Variants in PLOD2 observed in about 807,000 individuals in gnomAD.
PLOD2 encodes lysine hydroxylase 2.
PLOD2 carries 65 observed loss-of-function variants against 101.0 expected under a neutral mutation model. That is an observed-to-expected ratio of 0.64 (90% confidence interval 0.53 to 0.79). The LOEUF (loss-of-function observed/expected upper bound fraction) is 0.79, where lower values mean the gene tolerates loss of function less well. PLOD2 is among the 30% of genes least tolerant of loss of function. PLOD2 has a pLI of 0.00. For synonymous variants in PLOD2, 314 were observed against 302.9 expected, an observed-to-expected ratio of 1.04 and a Z score of -0.38; for missense variants, 909 against 914.6, an observed-to-expected ratio of 0.99 and a Z score of 0.08.
chr3:146,158,466 C>A (rs1440791588), intron 1 of PLOD2, among the ~76,000 whole-genome samples: 1 of 152,090 alleles, frequency 6.6e-6, no homozygotes, highest in Non-Finnish European at 1.5e-5. Flanking sequence ...AACTACACTC[C>A]AAAAATTGAT....
At chr3:146,156,336 G>T in intron 1 of PLOD2, among the ~76,000 whole-genome samples, 1 of 152,214 alleles carries the variant, frequency 6.6e-6, no homozygotes, top group East Asian at 1.9e-4. Flanking sequence ...TACAGGACCA[G>T]CTAGTCAATA....
intron 1 of PLOD2, among the ~76,000 whole-genome samples, chr3:146,157,872 A>G: frequency 6.6e-6 from 1 of 152,024 alleles, no homozygotes; most frequent in East Asian, 1.9e-4. Flanking sequence ...TTTCCTCTCC[A>G]CCCCATAAAT....
chr3:146,107,212 TGCCTGCTAAAC>T (rs1344395290), intron 4 of PLOD2, among the ~76,000 whole-genome samples: 3 of 152,252 alleles, frequency 2.0e-5, no homozygotes, highest in African/African-American at 7.2e-5. Context: ...GTCATTATTG[TGCCTGCTAAAC>T]CATTTTCTGG....
At chr3:146,158,831 C>A (rs2032426754) in intron 1 of PLOD2, among the ~76,000 whole-genome samples, 1 of 152,162 alleles carries the variant, frequency 6.6e-6, no homozygotes, top group South Asian at 2.1e-4. Context: ...TAAACCATTT[C>A]TTCTTGGTTA....
At position 146,088,700 on chromosome 3, in the gene PLOD2, G is replaced by A. The variant is rs762385231; in HGVS notation, c.891C>T (p.Asn297=). ...VDLSAVDVHP[N]VSIGVFIEQP... Reference sequence around the variant, plus strand: ...GCTCAATAAAAACACCTATTGATACGTTTGGATGGACCTTTGTTTTACACC... The same window carrying A: ...GCTCAATAAAAACACCTATTGATACATTTGGATGGACCTTTGTTTTACACC... The change falls in exon 9 of 20, where the codon AAC becomes AAT. Residue 297 remains asparagine (N), a synonymous_variant. Transcript: ENST00000282903. 1.3e-5 allele frequency: 21 copies of A among 1,606,096 alleles called. No individual in the cohort carries two copies. Among genetic ancestry groups the A allele is most frequent in the Non-Finnish European group, 1.4e-5 (16 of 1,173,534 alleles).
intron 1 of PLOD2, among the ~76,000 whole-genome samples, chr3:146,131,386 A>G (rs2030900124): frequency 6.6e-6 from 1 of 152,194 alleles, no homozygotes; most frequent in South Asian, 2.1e-4. Flanking sequence ...CCGACATATT[A>G]TCCTAGCTAC....
In PLOD2 at chr3:146,104,262, G is replaced by C; in HGVS notation, c.679+17C>G. The C allele has an allele frequency of 6.6e-7, 1 of 1,505,842 alleles. No homozygotes were observed. The highest frequency in any genetic ancestry group is 9.2e-7 in the Non-Finnish European group (1 of 1,081,182). 93.3% of individuals were successfully genotyped at this position (1,505,842 alleles called of 1,614,324 possible). A position where few individuals can be genotyped will look rare whatever the true frequency, so the allele number is the denominator to read the frequency against. ...TTTGTTTGTATACGTAAGCAATCCG[G>C]TATTTAGGAAGCATACCTACAGCTC... On this transcript the variant is annotated intron_variant, in intron 6 of 19. Coordinates refer to ENST00000282903, the MANE Select transcript of PLOD2 (RefSeq NM_182943.3).
intron 12 of PLOD2, among the ~76,000 whole-genome samples, chr3:146,081,148 T>C (rs1936526615): frequency 6.6e-6 from 1 of 152,178 alleles, no homozygotes; most frequent in Non-Finnish European, 1.5e-5. Flanking sequence ...ATTGTGATTA[T>C]TTTTAGTAAT....
chr3:146,094,219 T>C (rs925218704), intron 7 of PLOD2, among the ~76,000 whole-genome samples: 1 of 152,214 alleles, frequency 6.6e-6, no homozygotes, highest in African/African-American at 2.4e-5. Flanking sequence ...TCCGCCCAAA[T>C]CCTTTCCTCT....
chr3:146,095,876 C>G lies in PLOD2; in HGVS notation c.778-3975G>C, dbSNP rs1442307866. Among the ~76,000 whole-genome samples, 36 of 137,058 alleles carry G rather than the reference C, an allele frequency of 2.6e-4. 1 individual carries two copies. The highest frequency in any genetic ancestry group is 7.4e-4 in the African/African-American group (27 of 36,688). The allele number at this position is 137,058 out of a possible 152,430, so 89.9% of individuals were successfully genotyped here. A position where few individuals can be genotyped will look rare whatever the true frequency, so the allele number is the denominator to read the frequency against. On this transcript the variant is annotated intron_variant, in intron 7 of 19. Transcript: ENST00000282903. ...TACCCTCTCCCCTCTCCCCTCTCCC[C>G]TCTCCCCTCTCCCCTCTCCCCCCTC... is the stretch of plus-strand genomic sequence containing the variant.
At chr3:146,108,878 G>A (rs757746729) in intron 4 of PLOD2, among the ~76,000 whole-genome samples, 6 of 152,192 alleles carry the variant, frequency 3.9e-5, no homozygotes, top group Non-Finnish European at 7.3e-5. Context: ...ATGTCTCAGA[G>A]TCCCATGGCT....
chr3:146,102,905 G>C, intron 6 of PLOD2, 53 bp from the exon 7 acceptor site: 2 of 894,596 alleles, frequency 2.2e-6, no homozygotes, highest in South Asian at 1.3e-5. Context: ...GTGTGTGTGT[G>C]TCTGTATTCG....
At chr3:146,090,002 C>T (rs532790816) in intron 8 of PLOD2, among the ~76,000 whole-genome samples, 1 of 151,346 alleles carries the variant, frequency 6.6e-6, no homozygotes, top group Non-Finnish European at 1.5e-5. Flanking sequence ...CCATTATTAA[C>T]CTAAGTTCAT....
intron 13 of PLOD2, among the ~76,000 whole-genome samples, chr3:146,078,492 G>A (rs561989956): frequency 6.6e-6 from 1 of 151,818 alleles, no homozygotes; most frequent in East Asian, 1.9e-4. Context: ...TATATTCTAA[G>A]CCATGTTTAT....
chr3:146,110,289 T>C lies in PLOD2; in HGVS notation c.498A>G (p.Ser166=). ...VVHIGKRYLN[S]GGFIGYAPYV... is the part of the protein sequence containing the mutation. ...TTCTTCCAGTATCTAACTCACCTCC[T>C]GAATTCAGATAGCGTTTCCCAATGT... is the stretch of plus-strand genomic sequence containing the variant. The change falls in exon 4 of 20, where the codon TCA becomes TCG. Residue 166 remains serine, a synonymous_variant. Coordinates refer to ENST00000282903, the MANE Select transcript of PLOD2 (RefSeq NM_182943.3). 1 of 1,613,392 alleles carries C rather than the reference T, an allele frequency of 6.2e-7. No homozygotes were observed. Among genetic ancestry groups the C allele is most frequent in the Non-Finnish European group, 8.5e-7 (1 of 1,179,440 alleles).
At chr3:146,151,023 ACCAAGTCCTGG>A (rs2032031922) in intron 1 of PLOD2, among the ~76,000 whole-genome samples, 1 of 152,238 alleles carries the variant, frequency 6.6e-6, no homozygotes, top group African/African-American at 2.4e-5. Flanking sequence ...AAAAAGCAAC[ACCAAGTCCTGG>A]CCAAGTCCAG....
At position 146,090,989 on chromosome 3, in the gene PLOD2, G is replaced by A. The variant is rs561830026; in HGVS notation, c.879+811C>T. ...TCCATGTTATGTCAGCAATTTTTTG[G>A]AATAAAAATGTTGTTGTAAGATATC... On this transcript the variant is annotated intron_variant, in intron 8 of 19. Transcript: ENST00000282903. Among the ~76,000 whole-genome samples, 3 of 151,840 alleles carry A rather than the reference G, an allele frequency of 2.0e-5. No homozygotes were observed. The South Asian group carries it at 6.2e-4, about 31-fold the overall frequency.
intron 7 of PLOD2, among the ~76,000 whole-genome samples, chr3:146,093,597 G>A (rs1937053114): frequency 6.6e-6 from 1 of 152,130 alleles, no homozygotes; most frequent in Non-Finnish European, 1.5e-5. Context: ...TAAAGAATAT[G>A]CAAGGGTGAA....
chr3:146,117,565 C>T (rs1021179187), intron 3 of PLOD2, among the ~76,000 whole-genome samples: 1 of 151,896 alleles, frequency 6.6e-6, no homozygotes. Context: ...TTCTCATGAC[C>T]CCTAGGTTTT....
Sources: allele counts gnomAD v4.1 joint callset (sites outside exome capture counted in the v4.1 genomes callset), GRCh38; gene constraint gnomAD v4.1.1; transcripts MANE v1.5; gene names NCBI Gene and HGNC (gene_info 2026-07-23, HGNC 2026-07-21).